Variants in TTC6 observed in about 807,000 individuals in gnomAD.
TTC6 encodes tetratricopeptide repeat protein 6.
In TTC6, 172 loss-of-function variants were observed where a neutral mutation model predicts 210.4. The ratio of observed to expected loss-of-function variants is 0.82; its 90% CI spans 0.72 to 0.93. The LOEUF (loss-of-function observed/expected upper bound fraction) is 0.93, where lower values mean the gene tolerates loss of function less well. Ranked by LOEUF, TTC6 falls within the 40% of genes least tolerant of loss-of-function variation. The probability of loss-of-function intolerance (pLI) is 0.00; values close to 1 mark genes in which losing one functional copy is unlikely to be tolerated. For missense variants in TTC6, 2,414 were observed against 2,318.1 expected (o/e 1.04, Z -0.85); for synonymous variants, 804 against 819.6 (o/e 0.98, Z 0.32).
chr14:37,605,271 G>A (rs1052117134), intron 1 of TTC6, among the ~76,000 whole-genome samples: 2 of 152,206 alleles, frequency 1.3e-5, no homozygotes, highest in African/African-American at 4.8e-5. Flanking sequence ...ACTCTTTCAT[G>A]AGAAATGTCC....
upstream of TTC6, among the ~76,000 whole-genome samples, chr14:37,618,300 C>T (rs954712981): frequency 1.3e-5 from 2 of 152,184 alleles, no homozygotes; most frequent in African/African-American, 4.8e-5. Flanking sequence ...GAAGAAAAGG[C>T]TGGCTCTTGA....
chr14:37,646,200 G>A (rs1378657054), intron 1 of TTC6, among the ~76,000 whole-genome samples: 2 of 152,160 alleles, frequency 1.3e-5, no homozygotes, highest in Non-Finnish European at 2.9e-5. Context: ...ATAACATTAC[G>A]TGAAGTTGGA....
At chr14:37,627,597 T>C (rs1311377234) in intron 1 of TTC6, among the ~76,000 whole-genome samples, 2 of 152,208 alleles carry the variant, frequency 1.3e-5, no homozygotes, top group Non-Finnish European at 2.9e-5. Context: ...AATGATGGTT[T>C]CCAGCTTCAT....
At chr14:37,772,906 A>C (rs2096024860) in intron 14 of TTC6, among the ~76,000 whole-genome samples, 1 of 152,046 alleles carries the variant, frequency 6.6e-6, no homozygotes, top group African/African-American at 2.4e-5. Context: ...TTTCTTGGCA[A>C]CCTCACCAAG....
At chr14:37,626,902 G>A (rs991400446) in intron 1 of TTC6, among the ~76,000 whole-genome samples, 27 of 152,152 alleles carry the variant, frequency 1.8e-4, no homozygotes, top group African/African-American at 6.0e-4. Flanking sequence ...GGCTGAATGG[G>A]GAGCCTGTAT....
At chr14:37,626,319 G>T (rs28417370) in intron 1 of TTC6, among the ~76,000 whole-genome samples, 1,664 of 152,220 alleles carry the variant, frequency 0.011, 25 homozygotes, top group African/African-American at 0.038. Context: ...GTATCCAGGT[G>T]GTCCTTGCTT....
At chr14:37,698,841 C>T (rs1456079710) in intron 4 of TTC6, among the ~76,000 whole-genome samples, 1 of 152,086 alleles carries the variant, frequency 6.6e-6, no homozygotes, top group Non-Finnish European at 1.5e-5. Context: ...AATTACACAT[C>T]TTCTATTTTT....
chr14:37,668,814 T>C (rs558363439), intron 1 of TTC6, among the ~76,000 whole-genome samples: 1 of 152,274 alleles, frequency 6.6e-6, no homozygotes, highest in Non-Finnish European at 1.5e-5. Context: ...GAACATACCA[T>C]GTCTGTTTAT....
chr14:37,738,385 T>C (rs886159635), intron 9 of TTC6, among the ~76,000 whole-genome samples: 7 of 150,424 alleles, frequency 4.7e-5, no homozygotes, highest in African/African-American at 1.7e-4. Context: ...TTGATTTTTA[T>C]GGAATAAGGC....
At chr14:37,721,847 CATATATATATATAT>C (rs35265224) in intron 6 of TTC6, among the ~76,000 whole-genome samples, 5 of 117,266 alleles carry the variant, frequency 4.3e-5, no homozygotes, top group African/African-American at 1.6e-4. Context: ...TGAGTTTCAC[CATATATATATATAT>C]ATATATATAT....
intron 1 of TTC6, among the ~76,000 whole-genome samples, chr14:37,679,460 T>C (rs1234196943): frequency 6.6e-6 from 1 of 152,150 alleles, no homozygotes; most frequent in East Asian, 1.9e-4. Context: ...AAAATGATAC[T>C]AACAGTCCAT....
At chr14:37,682,859 A>G in exon 3 of TTC6, 1 of 1,535,686 alleles carries the variant, frequency 6.5e-7, no homozygotes, top group East Asian at 2.4e-5. Context: ...TAGTATTTAA[A>G]CCTCAGGAAA....
At chr14:37,738,096 A>G (rs1286333166) in intron 9 of TTC6, among the ~76,000 whole-genome samples, 4 of 151,516 alleles carry the variant, frequency 2.6e-5, no homozygotes, top group Admixed American at 6.6e-5. Flanking sequence ...TGCTATATCA[A>G]AGGATTTAAA....
intron 14 of TTC6, among the ~76,000 whole-genome samples, chr14:37,772,205 A>G (rs1417440672): frequency 6.6e-6 from 1 of 152,176 alleles, no homozygotes; most frequent in Non-Finnish European, 1.5e-5. Context: ...TGCTCTCTTC[A>G]AAGCTGTCAG....
chr14:37,596,546 A>G (rs889639297), intron 1 of TTC6, among the ~76,000 whole-genome samples: 23 of 152,256 alleles, frequency 1.5e-4, no homozygotes, highest in African/African-American at 5.5e-4. Flanking sequence ...AGAGAGAACA[A>G]CTGAAGTGAC....
chr14:37,596,348 G>A (rs2095604530), intron 1 of TTC6, among the ~76,000 whole-genome samples: 1 of 152,280 alleles, frequency 6.6e-6, no homozygotes, highest in African/African-American at 2.4e-5. Context: ...CGAAAGAGAT[G>A]CCAGGCAGAA....
At chr14:37,756,257 AT>A (rs1457952089) in intron 14 of TTC6, among the ~76,000 whole-genome samples, 1 of 152,188 alleles carries the variant, frequency 6.6e-6, no homozygotes, top group African/African-American at 2.4e-5. Flanking sequence ...GGCTGAGATG[AT>A]GGCGTTTTCT....
At chr14:37,824,069 C>A in intron 27 of TTC6, 112 bp downstream of exon 29, 1 of 989,980 alleles carries the variant, frequency 1.0e-6, no homozygotes, top group Non-Finnish European at 1.5e-6. Flanking sequence ...GAACATTTAC[C>A]TTTTCTTTAC....
At chr14:37,786,344 C>T (rs1042285275) in intron 14 of TTC6, among the ~76,000 whole-genome samples, 1 of 152,224 alleles carries the variant, frequency 6.6e-6, no homozygotes, top group African/African-American at 2.4e-5. Flanking sequence ...CCTCACCCAG[C>T]CTCGTTGCTG....
Sources: gnomAD v4.1 joint callset for allele counts (sites outside exome capture counted in the v4.1 genomes callset) on GRCh38, gnomAD v4.1.1 for gene constraint, MANE v1.5 for transcripts, NCBI Gene and HGNC (gene_info 2026-07-23, HGNC 2026-07-21) for gene names.